Variants in SLC35B4 observed in about 807,000 individuals in gnomAD.
SLC35B4 encodes the protein nucleotide sugar transporter SLC35B4.
SLC35B4 carries 28 observed loss-of-function variants against 39.5 expected under a neutral mutation model. That is an observed-to-expected ratio of 0.71 (90% CI 0.53 to 0.97). The LOEUF is 0.97. Among genes scored for constraint, SLC35B4 ranks in the 50% least tolerant of loss-of-function variants. SLC35B4 has a pLI of 0.00. For synonymous variants in SLC35B4, 145 were observed against 150.4 expected, an observed-to-expected ratio of 0.96 and a Z score of 0.26; for missense variants, 334 against 414.3, an observed-to-expected ratio of 0.81 and a Z score of 1.68.
At chr7:134,317,665 T>C (rs948693781), upstream of SLC35B4, among the ~76,000 whole-genome samples, 1 of 152,226 alleles carries the variant, frequency 6.6e-6, no homozygotes, top group Non-Finnish European at 1.5e-5. Flanking sequence ...AGATCTTTAA[T>C]GGTGAAAAGA....
rs1803327676 is a variant in SLC35B4 at position 134,291,432 on chromosome 7, A to C, written c.*3401T>G. On this transcript the variant is annotated 3_prime_UTR_variant, in exon 10 of 10. Coordinates refer to ENST00000378509, the MANE Select transcript of SLC35B4 (RefSeq NM_032826.5). Reference sequence around the variant, plus strand: ...GATGATAAGTCTTTCTTAGCAGAAAACGCTGCAAGTGAAGAAACTGGAGTG... The same window carrying C: ...GATGATAAGTCTTTCTTAGCAGAAACCGCTGCAAGTGAAGAAACTGGAGTG... 1 of 152,248 alleles carries C rather than the reference A, an allele frequency of 6.6e-6. No individual in the cohort carries two copies. Among genetic ancestry groups the C allele is most frequent in the Non-Finnish European group, 1.5e-5 (1 of 68,040 alleles). 9.4% of individuals were successfully genotyped at this position (152,248 alleles called of 1,614,324 possible).
chr7:134,300,283 A>G (rs1803551850), intron 6 of SLC35B4, 22 bp from the exon 7 acceptor site: 3 of 1,518,646 alleles, frequency 2.0e-6, no homozygotes, highest in Admixed American at 1.9e-5. Flanking sequence ...ACATCAGGTG[A>G]CAAGATGTCT....
intron 1 of SLC35B4, among the ~76,000 whole-genome samples, chr7:134,311,691 C>G (rs1803844875): frequency 6.6e-6 from 1 of 152,036 alleles, no homozygotes; most frequent in Admixed American, 6.5e-5. Context: ...ACCTATTTAC[C>G]CAAAGAGGCT....
intron 2 of SLC35B4, among the ~76,000 whole-genome samples, chr7:134,308,718 C>G (rs1458002565): frequency 6.6e-6 from 1 of 152,160 alleles, no homozygotes; most frequent in Non-Finnish European, 1.5e-5. Flanking sequence ...ACTTTTATCT[C>G]AAGTCACTCT....
intron 4 of SLC35B4, 65 bp from the exon 5 acceptor site, chr7:134,302,175 T>A (rs1196247008): frequency 2.2e-6 from 3 of 1,348,512 alleles, no homozygotes; most frequent in Non-Finnish European, 3.1e-6. Flanking sequence ...TTCCCAGTGA[T>A]ATTTACAGTC....
At chr7:134,317,583 A>G (rs770328956), upstream of SLC35B4, among the ~76,000 whole-genome samples, 1 of 152,218 alleles carries the variant, frequency 6.6e-6, no homozygotes, top group Non-Finnish European at 1.5e-5. Context: ...TGCGCAGTCA[A>G]ATCACCTGGG....
Position 134,304,688 on chromosome 7 carries a change from T to A in SLC35B4, c.344+117A>T, listed in dbSNP as rs535534190. The A allele has an allele frequency of 1.9e-5, 14 of 729,776 alleles. No homozygotes were observed. The East Asian group carries it at 3.5e-4, about 18-fold the overall frequency. The allele number at this position is 729,776 out of a possible 1,614,324, so 45.2% of individuals were successfully genotyped here. Reference sequence around the variant, plus strand: ...ACTGGTAAAGAACTAAGAAAAGAGGTAGATGGCCAGAAGCAAACTTATCAC... The same window carrying A: ...ACTGGTAAAGAACTAAGAAAAGAGGAAGATGGCCAGAAGCAAACTTATCAC... On this transcript the variant is annotated intron_variant, in intron 4 of 9. Transcript: ENST00000378509.
intron 1 of SLC35B4, 34 bp from the exon 2 acceptor site, chr7:134,309,513 C>T: frequency 6.8e-7 from 1 of 1,462,872 alleles, no homozygotes; most frequent in Non-Finnish European, 9.5e-7. Flanking sequence ...GGGGTGAAGG[C>T]ACAAAAACTG....
At chr7:134,300,311 G>C in intron 6 of SLC35B4, 50 bp from the exon 7 acceptor site, 5 of 1,357,244 alleles carry the variant, frequency 3.7e-6, no homozygotes, top group Non-Finnish European at 5.1e-6. Context: ...TTCATTTCCA[G>C]ATGTTTTTCT....
intron 1 of SLC35B4, among the ~76,000 whole-genome samples, chr7:134,315,877 G>C (rs73443161): frequency 1.3e-5 from 2 of 152,120 alleles, no homozygotes; most frequent in South Asian, 2.1e-4. Context: ...TAGTCCTGGA[G>C]GCTTTTCCAC....
In SLC35B4 at chr7:134,300,214, T is replaced by C; in HGVS notation, c.535A>G (p.Ile179Val). The C allele has an allele frequency of 1.2e-6, 2 of 1,613,274 alleles. No individual in the cohort carries two copies. Among genetic ancestry groups the C allele is most frequent in the Non-Finnish European group, 1.7e-6 (2 of 1,179,830 alleles). ...CGTTTGTAGAGAGTCTCTTGGAATATCCCCATCCTTGCTGACATCAGAAGA... is the reference window on the plus strand; with the variant it reads ...CGTTTGTAGAGAGTCTCTTGGAATACCCCCATCCTTGCTGACATCAGAAGA... The part of the protein sequence containing the change: ...FALLMSARMG[I>V]FQETLYKRFG... The change falls in exon 7 of 10, where the codon ATA becomes GTA. Residue 179 changes from isoleucine to valine, a missense_variant. Ile to Val is a conservative substitution (Grantham distance 29). Transcript: ENST00000378509.
Position 134,290,844 on chromosome 7 carries a change from A to G in SLC35B4, c.*3989T>C, listed in dbSNP as rs912959582. The G allele has an allele frequency of 2.0e-5, 3 of 152,224 alleles. No individual in the cohort carries two copies. The highest frequency in any genetic ancestry group is 4.8e-5 in the African/African-American group (2 of 41,454). The allele number at this position is 152,224 out of a possible 1,614,324, so 9.4% of individuals were successfully genotyped here. A position where few individuals can be genotyped will look rare whatever the true frequency, so the allele number is the denominator to read the frequency against. On this transcript the variant is annotated 3_prime_UTR_variant, in exon 10 of 10. Transcript: ENST00000378509. The stretch of plus-strand genomic sequence containing the variant: ...AATGACTTATAATGCTATTTACTCC[A>G]GGCAAAGAGAAAATACAACAGACAT...
chr7:134,307,569 T>C (rs1451493070), intron 2 of SLC35B4, among the ~76,000 whole-genome samples: 1 of 152,162 alleles, frequency 6.6e-6, no homozygotes, highest in Non-Finnish European at 1.5e-5. Context: ...ACTTCCTATA[T>C]TGAGTAAGAG....
Position 134,309,374 on chromosome 7 carries a change from G to C in SLC35B4, c.183C>G (p.Ile61Met), listed in dbSNP as rs1299888834. 14 of 1,604,948 alleles carry C rather than the reference G, an allele frequency of 8.7e-6. No homozygotes were observed. The East Asian group carries it at 2.7e-4, about 31-fold the overall frequency. ...EADLGRKPPA[I>M]PIRYYAIMVT... ...ACTCTAATGTACCATACCTTATTGGGATAGCTGGTGGCTTCCTTCCCAAAT... is the reference window on the plus strand; with the variant it reads ...ACTCTAATGTACCATACCTTATTGGCATAGCTGGTGGCTTCCTTCCCAAAT... The change falls in exon 2 of 10, where the codon ATC (isoleucine) becomes ATG (methionine). Residue 61 changes from isoleucine (I) to methionine (M), a missense_variant. By Grantham distance (10) the Ile-to-Met change is conservative. Transcript: ENST00000378509.
chr7:134,312,400 G>A (rs925776735), intron 1 of SLC35B4, among the ~76,000 whole-genome samples: 6 of 146,504 alleles, frequency 4.1e-5, no homozygotes, highest in African/African-American at 1.5e-4. Context: ...GCTGCTTCCA[G>A]GGAGCCCCCA....
intron 6 of SLC35B4, among the ~76,000 whole-genome samples, chr7:134,300,748 G>C (rs1317416812): frequency 6.6e-5 from 10 of 152,070 alleles, no homozygotes; most frequent in Non-Finnish European, 7.4e-5. Context: ...TGAGTCAAAG[G>C]CTGTGGACAT....
At position 134,292,599 on chromosome 7, in the gene SLC35B4, A is replaced by T. The variant is rs1803357305; in HGVS notation, c.*2234T>A. ...CAACATAAAATGGGTGACATTATGTATGTGAGGCTGCATCCTATTAAGAGT... is the reference window on the plus strand; with the variant it reads ...CAACATAAAATGGGTGACATTATGTTTGTGAGGCTGCATCCTATTAAGAGT... On this transcript the variant is annotated 3_prime_UTR_variant, in exon 10 of 10. Transcript: ENST00000378509. 1 of 152,220 alleles carries T rather than the reference A, an allele frequency of 6.6e-6. No individual in the cohort carries two copies. The highest frequency in any genetic ancestry group is 1.5e-5 in the Non-Finnish European group (1 of 68,030). The allele number at this position is 152,220 out of a possible 1,614,324, so 9.4% of individuals were successfully genotyped here. A position where few individuals can be genotyped will look rare whatever the true frequency, so the allele number is the denominator to read the frequency against.
In SLC35B4 at chr7:134,295,236, G is replaced by GAAC. The variant is rs933748443; in HGVS notation, c.750-160_750-158dup. ...AGGCTCCTCCTGGGGAGAACCTGCA[G>GAAC]AACAACTCCTGTCCTGCCATTCCAT... On this transcript the variant is annotated intron_variant, in intron 9 of 9. Coordinates refer to ENST00000378509, the MANE Select transcript of SLC35B4 (RefSeq NM_032826.5). 3 of 853,998 alleles carry GAAC rather than the reference G, an allele frequency of 3.5e-6. No individual in the cohort carries two copies. The African/African-American group carries it at 5.1e-5, about 15-fold the overall frequency. The allele number at this position is 853,998 out of a possible 1,614,324, so 52.9% of individuals were successfully genotyped here.
Position 134,294,704 on chromosome 7 carries a change from G to A in SLC35B4, c.*129C>T. ...TGAGCAACGTGAGAAGTCCCCTCCT[G>A]AAGATTTCCTTTTGCACGGCTGGCT... On this transcript the variant is annotated 3_prime_UTR_variant, in exon 10 of 10. Transcript: ENST00000378509. The A allele has an allele frequency of 8.2e-7, 1 of 1,219,444 alleles. No individual in the cohort carries two copies. 75.5% of individuals were successfully genotyped at this position (1,219,444 alleles called of 1,614,324 possible). A position where few individuals can be genotyped will look rare whatever the true frequency, so the allele number is the denominator to read the frequency against.
Sources: allele counts gnomAD v4.1 joint callset (sites outside exome capture counted in the v4.1 genomes callset), GRCh38; gene constraint gnomAD v4.1.1; transcripts MANE v1.5; gene names NCBI Gene and HGNC (gene_info 2026-07-23, HGNC 2026-07-21).